Variants in JMJD1C observed in about 807,000 individuals in gnomAD.
JMJD1C encodes jumonji domain-containing protein 1C.
Under a neutral mutation model 245.3 loss-of-function variants are expected in JMJD1C, and 31 were observed. That is an observed-to-expected ratio of 0.13 (90% CI 0.09 to 0.17). The LOEUF (loss-of-function observed/expected upper bound fraction) is 0.17, where lower values mean the gene tolerates loss of function less well. JMJD1C is among the 10% of genes least tolerant of loss of function. The pLI, the probability that JMJD1C is intolerant of heterozygous loss-of-function variation, is 1.00. For missense variants in JMJD1C, 2,691 were observed against 3,000.2 expected, an observed-to-expected ratio of 0.90 and a Z score of 2.41; for synonymous variants, 1,057 against 1,017.4, an observed-to-expected ratio of 1.04 and a Z score of -0.74.
chr10:63,321,647 T>C (rs1564784416), intron 2 of JMJD1C, among the ~76,000 whole-genome samples: 2 of 152,156 alleles, frequency 1.3e-5, no homozygotes, highest in South Asian at 2.1e-4. Context: ...GGGTAAGAGG[T>C]AGGGAAGCAA....
intron 1 of JMJD1C, among the ~76,000 whole-genome samples, chr10:63,454,554 C>A (rs1473092435): frequency 6.6e-6 from 1 of 152,102 alleles, no homozygotes; most frequent in Non-Finnish European, 1.5e-5. Flanking sequence ...CCTCAGCCCC[C>A]CTAGTAGCTG....
intron 2 of JMJD1C, among the ~76,000 whole-genome samples, chr10:63,318,008 C>T (rs957662427): frequency 2.6e-5 from 4 of 151,890 alleles, no homozygotes. Flanking sequence ...CCACCACGCT[C>T]GTTTTGTTTT....
rs568199200 is a variant in JMJD1C, at chr10:63,199,446, C to A, written c.5277-719G>T. Among the ~76,000 whole-genome samples, 3 of 152,110 alleles carry A rather than the reference C, an allele frequency of 2.0e-5. No individual in the cohort carries two copies. In the South Asian group the frequency reaches 6.2e-4, roughly 31 times the overall value. On this transcript the variant is annotated intron_variant, in intron 11 of 25. Coordinates refer to ENST00000399262, the MANE Select transcript of JMJD1C (RefSeq NM_032776.3). ...ATTTTTCATATGAACAGCAACATTT[C>A]TTTTATCCCTACTTTTCATACCTTT... is the stretch of plus-strand genomic sequence containing the variant.
intron 2 of JMJD1C, among the ~76,000 whole-genome samples, chr10:63,319,174 G>A (rs1407805975): frequency 1.3e-5 from 2 of 150,176 alleles, no homozygotes; most frequent in Admixed American, 6.7e-5. Context: ...GGAGAATGGC[G>A]TGAACCCCGG....
intron 2 of JMJD1C, among the ~76,000 whole-genome samples, chr10:63,322,068 A>C (rs187801773): frequency 1.3e-5 from 2 of 152,314 alleles, no homozygotes; most frequent in Admixed American, 1.3e-4. Flanking sequence ...TTCTCATCTG[A>C]GTATATTAAG....
intron 1 of JMJD1C, among the ~76,000 whole-genome samples, chr10:63,435,575 T>C (rs1168359191): frequency 1.3e-5 from 2 of 152,150 alleles, no homozygotes; most frequent in Non-Finnish European, 2.9e-5. Flanking sequence ...TCCCACATAG[T>C]GACTCCTGAA....
intron 2 of JMJD1C, among the ~76,000 whole-genome samples, chr10:63,370,420 G>T (rs1946213891): frequency 6.6e-6 from 1 of 152,184 alleles, no homozygotes; most frequent in Non-Finnish European, 1.5e-5. Flanking sequence ...TCACTACTCT[G>T]TGTGGTAGAT....
rs1846740033 is a variant in JMJD1C, at chr10:63,207,264, G to A, written c.4405C>T (p.Pro1469Ser). ...GTTGTGCCTGAGAACCCAGAACTGG[G>A]TTGAACAACACTTCCTGTCTTACTA... is the stretch of plus-strand genomic sequence containing the variant. ...ASSKTGSVVQ[P>S]SSGFSGTTDF... Residue 1469 changes from proline to serine, a missense_variant, in exon 10 of 26, where the codon CCC becomes TCC. This residue lies in a region of JMJD1C where 1,562 missense variants were observed against 1,490.7 expected (regional missense o/e 1.05). Coordinates refer to ENST00000399262, the MANE Select transcript of JMJD1C (RefSeq NM_032776.3). 1 of 1,613,932 alleles carries A rather than the reference G, an allele frequency of 6.2e-7. No homozygotes were observed.
chr10:63,265,103 T>C (rs1429107634), intron 2 of JMJD1C, among the ~76,000 whole-genome samples: 1 of 151,704 alleles, frequency 6.6e-6, no homozygotes, highest in Non-Finnish European at 1.5e-5. Context: ...AACTGGGTTG[T>C]AGAGCTATTT....
At chr10:63,305,934 C>G (rs752735726) in intron 2 of JMJD1C, among the ~76,000 whole-genome samples, 3 of 151,506 alleles carry the variant, frequency 2.0e-5, no homozygotes, top group Non-Finnish European at 4.4e-5. Flanking sequence ...TTGTTGCCCA[C>G]GCTGGAATCA....
intron 1 of JMJD1C, among the ~76,000 whole-genome samples, chr10:63,452,494 T>A (rs1370505156): frequency 6.6e-6 from 1 of 152,166 alleles, no homozygotes; most frequent in South Asian, 2.1e-4. Flanking sequence ...TGAGAACATA[T>A]AATGGTGCAG....
In JMJD1C at chr10:63,342,600, T is replaced by G. The variant is rs181690677; in HGVS notation, c.333+37718A>C. On this transcript the variant is annotated intron_variant, in intron 2 of 25. Transcript: ENST00000399262. ...CTGAAAGCCTGTTGTCTGTTCTTGC[T>G]GTTAATATCTGATACAGGTATTCTG... is the stretch of plus-strand genomic sequence containing the variant. Among the ~76,000 whole-genome samples, 190 of 152,364 alleles carry G rather than the reference T, an allele frequency of 1.2e-3. 1 individual carries two copies. The highest frequency in any genetic ancestry group is 4.3e-3 in the African/African-American group (177 of 41,590).
chr10:63,273,892 C>A (rs1589358216), intron 2 of JMJD1C, among the ~76,000 whole-genome samples: 3 of 152,122 alleles, frequency 2.0e-5, no homozygotes, highest in Admixed American at 2.0e-4. Context: ...ATGTGAGAAT[C>A]TTATATGTAC....
In JMJD1C at chr10:63,214,439, T is replaced by C. The variant is rs770053648; in HGVS notation, c.1728A>G (p.Gln576=). The C allele has an allele frequency of 2.5e-6, 4 of 1,613,678 alleles. No individual in the cohort carries two copies. The highest frequency in any genetic ancestry group is 3.4e-6 in the Non-Finnish European group (4 of 1,179,846). Residue 576 remains glutamine (Q), a synonymous_variant, in exon 8 of 26, where the codon CAA becomes CAG. Transcript: ENST00000399262. ...VSDVVKVDLT[Q]SSVTNASSGN... is the part of the protein sequence containing the mutation. Reference sequence around the variant, plus strand: ...CTGAAGAAGCATTTGTAACACTTGATTGGGTTAGATCCACTTTAACTACAT... The same window carrying C: ...CTGAAGAAGCATTTGTAACACTTGACTGGGTTAGATCCACTTTAACTACAT...
chr10:63,279,851 G>A (rs974478221), intron 2 of JMJD1C, among the ~76,000 whole-genome samples: 1 of 152,022 alleles, frequency 6.6e-6, no homozygotes. Flanking sequence ...GGGAGTGGGG[G>A]GAATCAAAAC....
At chr10:63,362,753 TTACAGGCA>T in intron 2 of JMJD1C, among the ~76,000 whole-genome samples, 1 of 152,110 alleles carries the variant, frequency 6.6e-6, no homozygotes, top group East Asian at 1.9e-4. Flanking sequence ...AATGCTGGGA[TTACAGGCA>T]TGAGCCATCA....
chr10:63,222,904 T>G, intron 3 of JMJD1C: 1 of 1,497,062 alleles, frequency 6.7e-7, no homozygotes, highest in Non-Finnish European at 9.3e-7. Context: ...AGTGGGAAAG[T>G]GGGCACTGCT....
intron 1 of JMJD1C, among the ~76,000 whole-genome samples, chr10:63,401,832 TACCCTAATA>T (rs1348372154): frequency 6.6e-6 from 1 of 152,008 alleles, no homozygotes; most frequent in Non-Finnish European, 1.5e-5. Context: ...ATAGAATTAA[TACCCTAATA>T]AAAGAGGACC....
chr10:63,360,939 C>T (rs571989068), intron 2 of JMJD1C, among the ~76,000 whole-genome samples: 1 of 152,118 alleles, frequency 6.6e-6, no homozygotes, highest in South Asian at 2.1e-4. Context: ...CGTGAGCCAC[C>T]GAGCCCGGCC....
Sources: allele counts gnomAD v4.1 joint callset (sites outside exome capture counted in the v4.1 genomes callset), GRCh38; gene constraint gnomAD v4.1.1; regional missense constraint gnomAD v4.1.1; transcripts MANE v1.5; gene names NCBI Gene and HGNC (gene_info 2026-07-23, HGNC 2026-07-21).